The following CNTNAP2 variants were observed in gnomAD, a reference collection of about 807,000 sequenced individuals.
CNTNAP2 encodes the protein contactin-associated protein-like 2.
A neutral mutation model predicts 155.2 loss-of-function variants in CNTNAP2; 98 were observed. The ratio of observed to expected loss-of-function variants is 0.63; its 90% confidence interval spans 0.54 to 0.75. CNTNAP2 has a LOEUF of 0.75. Among genes scored for constraint, CNTNAP2 ranks in the 30% least tolerant of loss-of-function variants. The pLI, the probability that CNTNAP2 is intolerant of heterozygous loss-of-function variation, is 0.00. For missense variants in CNTNAP2, 1,727 were observed against 1,688.1 expected, an observed-to-expected ratio of 1.02 and a Z score of -0.40; for synonymous variants, 651 against 631.2, an observed-to-expected ratio of 1.03 and a Z score of -0.47.
intron 13 of CNTNAP2, among the ~76,000 whole-genome samples, chr7:147,827,353 A>G (rs905046503): frequency 1.3e-5 from 2 of 152,186 alleles, no homozygotes; most frequent in African/African-American, 4.8e-5. Context: ...GTTAATCCCT[A>G]GGAACCAAAC....
At chr7:146,670,967 C>G (rs1459451948) in intron 1 of CNTNAP2, among the ~76,000 whole-genome samples, 1 of 152,152 alleles carries the variant, frequency 6.6e-6, no homozygotes, top group African/African-American at 2.4e-5. Flanking sequence ...TCCACCTGTT[C>G]ACTTCAATAG....
chr7:146,969,795 C>T (rs549991509), intron 3 of CNTNAP2, among the ~76,000 whole-genome samples: 1 of 152,224 alleles, frequency 6.6e-6, no homozygotes, highest in East Asian at 1.9e-4. Flanking sequence ...TATCACGCTA[C>T]CTGACTTCAA....
intron 3 of CNTNAP2, among the ~76,000 whole-genome samples, chr7:146,970,217 A>T (rs1400309581): frequency 6.6e-6 from 1 of 152,214 alleles, no homozygotes; most frequent in African/African-American, 2.4e-5. Flanking sequence ...AATGGGATCT[A>T]ATTAAACCAA....
chr7:147,618,422 G>GA (rs1246928497), intron 12 of CNTNAP2, among the ~76,000 whole-genome samples: 3 of 151,920 alleles, frequency 2.0e-5, no homozygotes, highest in South Asian at 2.1e-4. Context: ...AAAAAAGGTG[G>GA]AAAAAATCTC....
At chr7:147,173,585 T>A (rs1802276033) in intron 8 of CNTNAP2, among the ~76,000 whole-genome samples, 1 of 152,172 alleles carries the variant, frequency 6.6e-6, no homozygotes, top group Non-Finnish European at 1.5e-5. Flanking sequence ...AAAAACATTT[T>A]GTGTATTTCG....
At chr7:147,463,590 T>G (rs1798062592) in intron 10 of CNTNAP2, among the ~76,000 whole-genome samples, 2 of 152,168 alleles carry the variant, frequency 1.3e-5, no homozygotes, top group Non-Finnish European at 2.9e-5. Context: ...AAAACTTAAC[T>G]CCCTGCCTTC....
At chr7:146,143,789 G>A (rs955216071) in intron 1 of CNTNAP2, among the ~76,000 whole-genome samples, 12 of 151,134 alleles carry the variant, frequency 7.9e-5, no homozygotes, top group Non-Finnish European at 1.5e-4. Flanking sequence ...TTGAAATGGA[G>A]TCTCCTTCTG....
At chr7:146,889,475 C>T (rs553120433) in intron 3 of CNTNAP2, among the ~76,000 whole-genome samples, 8 of 152,198 alleles carry the variant, frequency 5.3e-5, no homozygotes, top group African/African-American at 9.6e-5. Flanking sequence ...GATTCATAGA[C>T]GTGTCTTCCC....
chr7:146,633,546 C>A (rs1799544217), intron 1 of CNTNAP2, among the ~76,000 whole-genome samples: 1 of 152,032 alleles, frequency 6.6e-6, no homozygotes, highest in South Asian at 2.1e-4. Flanking sequence ...ATTGCATGAA[C>A]AAATGCTGCC....
At chr7:147,701,255 A>G (rs141394813) in intron 13 of CNTNAP2, among the ~76,000 whole-genome samples, 2,511 of 152,144 alleles carry the variant, frequency 0.017, 224 homozygotes, top group Admixed American at 0.15. Context: ...TAAAGTATAA[A>G]CCTGGTTTGT....
chr7:147,157,782 G>T (rs903297067), intron 8 of CNTNAP2, among the ~76,000 whole-genome samples: 2 of 152,024 alleles, frequency 1.3e-5, no homozygotes, highest in African/African-American at 4.8e-5. Context: ...TGAATAAATG[G>T]TATGAATAAG....
intron 1 of CNTNAP2, among the ~76,000 whole-genome samples, chr7:146,158,461 T>A (rs752864025): frequency 6.6e-6 from 1 of 152,130 alleles, no homozygotes; most frequent in African/African-American, 2.4e-5. Context: ...AAGGAGGATG[T>A]TAGAACTCAT....
intron 10 of CNTNAP2, among the ~76,000 whole-genome samples, chr7:147,461,914 A>G (rs2116589351): frequency 6.6e-6 from 1 of 152,380 alleles, no homozygotes; most frequent in East Asian, 1.9e-4. Flanking sequence ...TGAACAATAC[A>G]ATATCTTTCC....
chr7:147,384,703 T>C (rs1796597978), intron 9 of CNTNAP2, among the ~76,000 whole-genome samples: 1 of 152,202 alleles, frequency 6.6e-6, no homozygotes, highest in South Asian at 2.1e-4. Flanking sequence ...ATTAGAGCTC[T>C]TGGATGACAG....
chr7:147,048,670 A>G (rs549343239), intron 4 of CNTNAP2, among the ~76,000 whole-genome samples: 1 of 152,330 alleles, frequency 6.6e-6, no homozygotes, highest in Non-Finnish European at 1.5e-5. Flanking sequence ...AAATATAGCT[A>G]AGACAACTGT....
chr7:147,499,742 G>A (rs1197313283), intron 11 of CNTNAP2, among the ~76,000 whole-genome samples: 1 of 152,116 alleles, frequency 6.6e-6, no homozygotes, highest in African/African-American at 2.4e-5. Context: ...GAGACGTTAG[G>A]AGAGTGGGTG....
At chr7:146,968,320 C>T (rs1165792854) in intron 3 of CNTNAP2, among the ~76,000 whole-genome samples, 1 of 151,966 alleles carries the variant, frequency 6.6e-6, no homozygotes, top group African/African-American at 2.4e-5. Context: ...TAATGCTGGC[C>T]TCATAAAATG....
At position 147,034,241 on chromosome 7, in the gene CNTNAP2, A is replaced by G. The variant is rs569472619; in HGVS notation, c.403-9666A>G. 3.2e-4 allele frequency among the ~76,000 whole-genome samples: 49 copies of G among 152,316 alleles called. No individual in the cohort carries two copies. In the South Asian group the frequency reaches 0.01, roughly 32 times the overall value. On this transcript the variant is annotated intron_variant, in intron 3 of 23. Coordinates refer to ENST00000361727, the MANE Select transcript of CNTNAP2 (RefSeq NM_014141.6). ...GAAATATAATTTGTGGATAACAAAC[A>G]ATGAGGACAACTAGAGGTTGCTTTC...
intron 1 of CNTNAP2, among the ~76,000 whole-genome samples, chr7:146,286,543 A>G (rs1266356205): frequency 6.6e-6 from 1 of 152,164 alleles, no homozygotes; most frequent in African/African-American, 2.4e-5. Context: ...TGCCATCTTC[A>G]TACTCAGCCA....
Sources: allele counts gnomAD v4.1 joint callset (sites outside exome capture counted in the v4.1 genomes callset), GRCh38; gene constraint gnomAD v4.1.1; transcripts MANE v1.5; gene names NCBI Gene and HGNC (gene_info 2026-07-23, HGNC 2026-07-21).